The following AHI1 variants were observed in gnomAD, a reference collection of about 807,000 sequenced individuals.
AHI1 encodes the protein Abelson helper integration site 1, also known as jouberin.
A neutral mutation model predicts 149.3 loss-of-function variants in AHI1; 123 were observed. That is an observed-to-expected ratio of 0.82 (90% confidence interval 0.71 to 0.96). The LOEUF (loss-of-function observed/expected upper bound fraction) is 0.96, where lower values mean the gene tolerates loss of function less well. Among genes scored for constraint, AHI1 ranks in the 40% least tolerant of loss-of-function variants. AHI1 has a pLI of 0.00. For synonymous variants in AHI1, 475 were observed against 459.8 expected (o/e 1.03, Z -0.42); for missense variants, 1,439 against 1,422.7 (o/e 1.01, Z -0.18).
chr6:135,439,630 T>C (rs1012080540), intron 14 of AHI1, among the ~76,000 whole-genome samples: 4 of 152,174 alleles, frequency 2.6e-5, no homozygotes, highest in Admixed American at 6.5e-5. Context: ...ATCCGTGAAA[T>C]TGTGAAGAAC....
intron 23 of AHI1, among the ~76,000 whole-genome samples, chr6:135,364,031 C>T (rs1233672286): frequency 3.4e-5 from 5 of 149,018 alleles, no homozygotes; most frequent in Non-Finnish European, 6.0e-5. Context: ...GCAGAGGCGC[C>T]CCTCACCTCC....
chr6:135,490,436 G>A (rs1261679528), intron 5 of AHI1, 187 bp downstream of exon 5: 3 of 702,122 alleles, frequency 4.3e-6, no homozygotes, highest in Non-Finnish European at 4.8e-6. Context: ...ACTCAAGAAT[G>A]AAGTCAATAT....
rs1220240101 is a variant in AHI1 at position 135,394,804 on chromosome 6, A to G, written c.3081T>C (p.Ile1027=). The G allele has an allele frequency of 6.2e-7, 1 of 1,610,140 alleles. No homozygotes were observed. Among genetic ancestry groups the G allele is most frequent in the Admixed American group, 1.7e-5 (1 of 59,554 alleles). ...KQSNMLTAQE[I]LHQFGFTQTG... is the part of the protein sequence containing the mutation. ...TCTGAGTGAAACCAAACTGATGTAG[A>G]ATCTCTTGAGCGGTCAGCATGTTTG... The change falls in exon 23 of 29, where the codon ATT becomes ATC. Residue 1027 remains isoleucine, a synonymous_variant. Transcript: ENST00000265602.
chr6:135,326,655 G>A (rs1787741838), intron 24 of AHI1, among the ~76,000 whole-genome samples: 1 of 151,978 alleles, frequency 6.6e-6, no homozygotes, highest in South Asian at 2.1e-4. Flanking sequence ...CTGCCTCCCG[G>A]GTTCAAGCTA....
intron 23 of AHI1, among the ~76,000 whole-genome samples, chr6:135,376,016 C>A (rs1467102376): frequency 8.7e-5 from 11 of 126,368 alleles, no homozygotes; most frequent in Non-Finnish European, 1.3e-4. Flanking sequence ...GAGCCACACT[C>A]AAAAAATGTT....
intron 18 of AHI1, 136 bp from the exon 19 acceptor site, chr6:135,428,895 T>C (rs1270147041): frequency 4.1e-6 from 3 of 727,960 alleles, no homozygotes; most frequent in East Asian, 5.6e-5. Context: ...GGAGACATTC[T>C]ATAATATAAT....
intron 23 of AHI1, among the ~76,000 whole-genome samples, chr6:135,391,767 T>C (rs1405239951): frequency 6.6e-6 from 1 of 152,108 alleles, no homozygotes; most frequent in Non-Finnish European, 1.5e-5. Flanking sequence ...AAGAAAGACT[T>C]TATTCAGGGC....
At chr6:135,353,722 A>C (rs1562561668) in intron 24 of AHI1, among the ~76,000 whole-genome samples, 1 of 152,144 alleles carries the variant, frequency 6.6e-6, no homozygotes, top group African/African-American at 2.4e-5. Context: ...TATGATTCAG[A>C]TCAGTACATT....
intron 22 of AHI1, among the ~76,000 whole-genome samples, chr6:135,399,673 T>C (rs1779743248): frequency 1.3e-5 from 2 of 152,064 alleles, no homozygotes; most frequent in African/African-American, 4.8e-5. Flanking sequence ...ATGCTGATGT[T>C]TCTTAAATCT....
At chr6:135,319,567 G>A (rs1235048944) in intron 25 of AHI1, among the ~76,000 whole-genome samples, 1 of 152,166 alleles carries the variant, frequency 6.6e-6, no homozygotes, top group Non-Finnish European at 1.5e-5. Flanking sequence ...ATACAGTGTT[G>A]AATTTAAGAT....
chr6:135,384,864 G>A (rs534265422), intron 23 of AHI1, among the ~76,000 whole-genome samples: 3 of 152,242 alleles, frequency 2.0e-5, no homozygotes, highest in East Asian at 3.9e-4. Context: ...TGAGGTGGGC[G>A]GATCACCTGA....
chr6:135,427,357 G>A (rs749137739), intron 19 of AHI1, 50 bp from the exon 20 acceptor site: 4 of 1,473,548 alleles, frequency 2.7e-6, no homozygotes, highest in East Asian at 2.4e-5. Flanking sequence ...TATCTGTATC[G>A]ATAAATCTTC....
At chr6:135,297,717 C>T (rs780131855) in intron 27 of AHI1, among the ~76,000 whole-genome samples, 2 of 150,654 alleles carry the variant, frequency 1.3e-5, no homozygotes, top group African/African-American at 2.4e-5. Flanking sequence ...AGGCAGAAAA[C>T]GGATAATAAA....
chr6:135,418,098 T>C (rs1387593040), intron 20 of AHI1, among the ~76,000 whole-genome samples: 1 of 152,128 alleles, frequency 6.6e-6, no homozygotes, highest in Non-Finnish European at 1.5e-5. Context: ...AGCTCTACTC[T>C]AACCTGGTAT....
In AHI1 at chr6:135,299,913, C is replaced by T. The variant is rs149307749; in HGVS notation, c.3485+587G>A. On this transcript the variant is annotated intron_variant, in intron 27 of 28. Transcript: ENST00000265602. ...CAGTTAATGTTATTTCAAAATAGTA[C>T]TCAAATAAAAATAAATGACAAAATA... Among the ~76,000 whole-genome samples, 241 of 152,130 alleles carry T rather than the reference C, an allele frequency of 1.6e-3. 2 individuals carry two copies. Among genetic ancestry groups the T allele is most frequent in the African/African-American group, 5.6e-3 (231 of 41,502 alleles).
At chr6:135,402,332 A>AAATGAG (rs1419429691) in intron 22 of AHI1, among the ~76,000 whole-genome samples, 16 of 152,222 alleles carry the variant, frequency 1.1e-4, no homozygotes, top group Non-Finnish European at 2.2e-4. Flanking sequence ...TATCCCATAG[A>AAATGAG]AATGAGAATA....
chr6:135,462,746 C>T (rs934687814), intron 8 of AHI1, among the ~76,000 whole-genome samples: 2 of 151,928 alleles, frequency 1.3e-5, no homozygotes, highest in Admixed American at 1.3e-4. Context: ...ACTAACAATA[C>T]AAAAATTAGC....
chr6:135,330,583 G>T (rs6570001), intron 24 of AHI1, among the ~76,000 whole-genome samples: 39 of 152,184 alleles, frequency 2.6e-4, no homozygotes, highest in African/African-American at 9.4e-4. Context: ...TGATATTCAC[G>T]GTATTGCAGT....
intron 21 of AHI1, 63 bp downstream of exon 21, chr6:135,411,285 G>C: frequency 7.1e-7 from 1 of 1,414,014 alleles, no homozygotes; most frequent in Non-Finnish European, 9.9e-7. Flanking sequence ...ATATTTATTG[G>C]CATGGCAATG....
Sources: gnomAD v4.1 joint callset for allele counts (sites outside exome capture counted in the v4.1 genomes callset) on GRCh38, gnomAD v4.1.1 for gene constraint, MANE v1.5 for transcripts, NCBI Gene and HGNC (gene_info 2026-07-23, HGNC 2026-07-21) for gene names.